SOX5: variants seen among roughly 807,000 people sequenced by gnomAD.
SOX5 encodes the protein SRY-box transcription factor 5.
Under a neutral mutation model 92.0 loss-of-function variants are expected in SOX5, and 9 were observed. The observed-to-expected ratio is 0.10, with a 90% CI of 0.06 to 0.17. The LOEUF is 0.17. SOX5 is among the 10% of genes least tolerant of loss of function. The pLI is 1.00. For synonymous variants in SOX5, 344 were observed against 336.3 expected (o/e 1.02, Z -0.25); for missense variants, 642 against 944.5 (o/e 0.68, Z 4.20).
At chr12:24,012,436 A>G (rs780448965) in intron 4 of SOX5, among the ~76,000 whole-genome samples, 2 of 152,198 alleles carry the variant, frequency 1.3e-5, no homozygotes, top group African/African-American at 4.8e-5. Context: ...ATTTTCAATG[A>G]GATGTAAAAA....
intron 4 of SOX5, among the ~76,000 whole-genome samples, chr12:24,131,373 T>A (rs986495301): frequency 3.3e-5 from 5 of 152,178 alleles, no homozygotes; most frequent in African/African-American, 2.4e-5. Context: ...TGACATGATT[T>A]GACATTAGAC....
chr12:23,794,211 T>C (rs897899953), intron 3 of SOX5, among the ~76,000 whole-genome samples: 1 of 151,606 alleles, frequency 6.6e-6, no homozygotes, highest in Non-Finnish European at 1.5e-5. Context: ...TACTGGTTTA[T>C]TTTAGTGAAC....
chr12:23,636,267 A>G (rs2079218254), intron 8 of SOX5, among the ~76,000 whole-genome samples: 1 of 152,206 alleles, frequency 6.6e-6, no homozygotes, highest in Non-Finnish European at 1.5e-5. Flanking sequence ...ACAAATATAT[A>G]TGATGATTTT....
intron 3 of SOX5, among the ~76,000 whole-genome samples, chr12:23,841,015 C>T (rs945584919): frequency 6.6e-6 from 1 of 151,916 alleles, no homozygotes; most frequent in Admixed American, 6.6e-5. Flanking sequence ...ATGTTTATTC[C>T]TCAAAAGACA....
intron 2 of SOX5, among the ~76,000 whole-genome samples, chr12:24,315,167 A>C (rs1279192956): frequency 6.6e-6 from 1 of 152,110 alleles, no homozygotes; most frequent in African/African-American, 2.4e-5. Context: ...AAACTTTTTC[A>C]ATCTTTCTTT....
chr12:24,242,124 A>C (rs1187702686), intron 3 of SOX5, among the ~76,000 whole-genome samples: 1 of 152,200 alleles, frequency 6.6e-6, no homozygotes, highest in Non-Finnish European at 1.5e-5. Context: ...GAAGAACCTC[A>C]AAGATTTGCA....
intron 2 of SOX5, among the ~76,000 whole-genome samples, chr12:23,866,182 C>T (rs183887619): frequency 3.1e-4 from 47 of 152,154 alleles, no homozygotes; most frequent in African/African-American, 9.6e-4. Context: ...CACATGTACA[C>T]TATGGCATAA....
At chr12:24,278,686 G>A (rs1396074170) in intron 2 of SOX5, among the ~76,000 whole-genome samples, 1 of 151,972 alleles carries the variant, frequency 6.6e-6, no homozygotes, top group Non-Finnish European at 1.5e-5. Flanking sequence ...ACTTCAGCCT[G>A]GGCACCAAAA....
At chr12:24,006,719 T>C (rs139874397) in intron 4 of SOX5, among the ~76,000 whole-genome samples, 162 of 152,196 alleles carry the variant, frequency 1.1e-3, no homozygotes, top group Middle Eastern at 3.4e-3. Flanking sequence ...AGGTAATCTT[T>C]TAGTCCTCAC....
chr12:23,631,420 A>T lies in SOX5; in HGVS notation c.1017+9392T>A, dbSNP rs968427167. Among the ~76,000 whole-genome samples the T allele has an allele frequency of 2.0e-5, 3 of 152,114 alleles. No individual in the cohort carries two copies. The East Asian group carries it at 5.8e-4, about 29-fold the overall frequency. ...TCTCTTCTTATCCACAGCCAAAACTAGAAAACTGAATATTTCTGTTTTTCT... is the reference window on the plus strand; with the variant it reads ...TCTCTTCTTATCCACAGCCAAAACTTGAAAACTGAATATTTCTGTTTTTCT... On this transcript the variant is annotated intron_variant, in intron 8 of 14. Transcript: ENST00000451604.
intron 1 of SOX5, among the ~76,000 whole-genome samples, chr12:24,447,171 A>C (rs1322052037): frequency 2.6e-5 from 4 of 152,184 alleles, no homozygotes; most frequent in Non-Finnish European, 5.9e-5. Flanking sequence ...ACGAGAACAA[A>C]CAGTATGGAA....
At chr12:24,454,411 T>G (rs1381842019) in intron 1 of SOX5, among the ~76,000 whole-genome samples, 2 of 152,242 alleles carry the variant, frequency 1.3e-5, no homozygotes, top group Non-Finnish European at 2.9e-5. Flanking sequence ...ATTTTCTACT[T>G]GCTTCTTTCT....
chr12:23,951,816 G>T (rs1265608887), upstream of SOX5, among the ~76,000 whole-genome samples: 1 of 152,148 alleles, frequency 6.6e-6, no homozygotes, highest in East Asian at 1.9e-4. Flanking sequence ...ACTTTCAGCA[G>T]TTGGGGAAGG....
chr12:24,412,120 C>T lies in SOX5; in HGVS notation c.-250-43481G>A, dbSNP rs538766332. Among the ~76,000 whole-genome samples the T allele has an allele frequency of 2.6e-5, 4 of 152,078 alleles. No individual in the cohort carries two copies. The South Asian group carries it at 6.2e-4, about 24-fold the overall frequency. On this transcript the variant is annotated intron_variant, in intron 1 of 4. Coordinates refer to the SOX5 transcript ENST00000446891. ...TCTGCAGAGTCTGCAGTGATACATCCGTATCGTATCGATACGATCGATAAA... is the reference window on the plus strand; with the variant it reads ...TCTGCAGAGTCTGCAGTGATACATCTGTATCGTATCGATACGATCGATAAA...
Position 24,105,432 on chromosome 12 carries a change from T to C in SOX5, c.-2+107911A>G, listed in dbSNP as rs529934012. On this transcript the variant is annotated intron_variant, in intron 4 of 4. Coordinates refer to the SOX5 transcript ENST00000446891. ...GGTGCACACCTGTAATCCCAGCTAC[T>C]TGGGAGACTGAGGCAGGATAATCAC... Among the ~76,000 whole-genome samples, 6 of 152,066 alleles carry C rather than the reference T, an allele frequency of 3.9e-5. No individual in the cohort carries two copies. The East Asian group carries it at 9.7e-4, about 25-fold the overall frequency.
At chr12:24,041,965 G>T (rs373152394) in intron 4 of SOX5, among the ~76,000 whole-genome samples, 5 of 151,932 alleles carry the variant, frequency 3.3e-5, no homozygotes, top group African/African-American at 4.8e-5. Flanking sequence ...TAATGTGAAG[G>T]CCTCTTGTAA....
At chr12:23,960,408 T>C (rs989516189) in intron 4 of SOX5, among the ~76,000 whole-genome samples, 2 of 150,624 alleles carry the variant, frequency 1.3e-5, no homozygotes, top group African/African-American at 4.9e-5. Flanking sequence ...CTTCTGGTAA[T>C]TTATGTTAGA....
At chr12:24,434,815 C>T (rs983874325) in intron 1 of SOX5, among the ~76,000 whole-genome samples, 1 of 152,238 alleles carries the variant, frequency 6.6e-6, no homozygotes, top group Non-Finnish European at 1.5e-5. Context: ...TAGCATCATG[C>T]TTTCTGTCCA....
At chr12:24,001,034 A>C (rs553846227) in intron 4 of SOX5, among the ~76,000 whole-genome samples, 1 of 152,318 alleles carries the variant, frequency 6.6e-6, no homozygotes, top group South Asian at 2.1e-4. Context: ...ATGGTAAGCC[A>C]TAAAAAAAGT....
Sources: gnomAD v4.1 joint callset for allele counts (sites outside exome capture counted in the v4.1 genomes callset) on GRCh38, gnomAD v4.1.1 for gene constraint, MANE v1.5 for transcripts, NCBI Gene and HGNC (gene_info 2026-07-23, HGNC 2026-07-21) for gene names.